The following KSR2 variants were observed in gnomAD, a reference collection of about 807,000 sequenced individuals.
KSR2 encodes the protein kinase suppressor of ras 2.
Under a neutral mutation model 107.8 loss-of-function variants are expected in KSR2, and 25 were observed. The observed-to-expected ratio is 0.23, with a 90% CI of 0.17 to 0.32. KSR2 has a LOEUF of 0.32. Among genes scored for constraint, KSR2 ranks in the 10% least tolerant of loss-of-function variants. The probability of loss-of-function intolerance (pLI) is 1.00; values close to 1 mark genes in which losing one functional copy is unlikely to be tolerated. For missense variants in KSR2, 887 were observed against 1,268.9 expected (o/e 0.70, Z 4.57); for synonymous variants, 480 against 507.0 (o/e 0.95, Z 0.71).
At chr12:117,714,408 G>C (rs560634738) in intron 4 of KSR2, among the ~76,000 whole-genome samples, 1 of 152,300 alleles carries the variant, frequency 6.6e-6, no homozygotes, top group East Asian at 1.9e-4. Flanking sequence ...AGCAAAGAGG[G>C]GAAAGATTCT....
At chr12:117,778,327 G>A (rs1889767080) in intron 3 of KSR2, among the ~76,000 whole-genome samples, 1 of 152,088 alleles carries the variant, frequency 6.6e-6, no homozygotes. Context: ...CTGACCTCAG[G>A]TGATCTGCCC....
chr12:117,925,164 C>T lies in KSR2; in HGVS notation c.180+42912G>A, dbSNP rs1326368755. ...TTTCAGACAGGGTCTCACTCTGTTG[C>T]CCAGGCTGGAGTGCAGTGGTTTGAT... On this transcript the variant is annotated intron_variant, in intron 1 of 19. Transcript: ENST00000339824. Among the ~76,000 whole-genome samples, 5 of 151,556 alleles carry T rather than the reference C, an allele frequency of 3.3e-5. No individual in the cohort carries two copies. The East Asian group carries it at 7.7e-4, about 23-fold the overall frequency.
chr12:117,687,399 G>A (rs1214024026), intron 4 of KSR2, among the ~76,000 whole-genome samples: 1 of 152,186 alleles, frequency 6.6e-6, no homozygotes, highest in East Asian at 1.9e-4. Flanking sequence ...ACTGTTGCCT[G>A]AAATTAGTGG....
At chr12:117,947,285 G>A (rs1366792944) in intron 1 of KSR2, among the ~76,000 whole-genome samples, 2 of 151,220 alleles carry the variant, frequency 1.3e-5, no homozygotes, top group Non-Finnish European at 2.9e-5. Context: ...CATACTAATT[G>A]ATACAGAAAA....
chr12:117,699,410 G>A (rs546019091), intron 4 of KSR2, among the ~76,000 whole-genome samples: 1 of 152,230 alleles, frequency 6.6e-6, no homozygotes, highest in African/African-American at 2.4e-5. Context: ...GGTTATTTTT[G>A]TCATTGTGCA....
intron 10 of KSR2, among the ~76,000 whole-genome samples, chr12:117,535,436 C>G (rs1310611984): frequency 6.6e-6 from 1 of 152,044 alleles, no homozygotes; most frequent in Non-Finnish European, 1.5e-5. Flanking sequence ...GAGTGATGAG[C>G]ATAAAAGAGG....
At chr12:117,708,937 G>A (rs895470) in intron 4 of KSR2, among the ~76,000 whole-genome samples, 78,278 of 151,902 alleles carry the variant, frequency 0.52, 22,630 homozygotes, top group African/African-American at 0.79. Context: ...TAGGCCGCTC[G>A]CATTCCCTGA....
In KSR2 at chr12:117,761,050, A is replaced by C; in HGVS notation, c.947T>G (p.Phe316Cys). The change falls in exon 4 of 20, where the codon TTC (phenylalanine) becomes TGC (cysteine). Residue 316 changes from phenylalanine to cysteine, a missense_variant. Phe to Cys is a radical substitution (Grantham distance 205). This residue lies in a region of KSR2 where 399 missense variants were observed against 479.5 expected (regional missense o/e 0.83). Coordinates refer to ENST00000339824, the MANE Select transcript of KSR2 (RefSeq NM_173598.6). The part of the protein sequence containing the change: ...TALHRSKSHE[F>C]QLGHRVDEAH... ...CTCGTCCACGCGGTGCCCCAGCTGG[A>C]ACTCGTGGGATTTGCTCCGATGCAG... The C allele has an allele frequency of 6.2e-7, 1 of 1,613,746 alleles. No individual in the cohort carries two copies. The highest frequency in any genetic ancestry group is 8.5e-7 in the Non-Finnish European group (1 of 1,179,734).
At chr12:117,546,758 T>G (rs557029233) in intron 9 of KSR2, among the ~76,000 whole-genome samples, 3 of 152,308 alleles carry the variant, frequency 2.0e-5, no homozygotes, top group Non-Finnish European at 4.4e-5. Context: ...ATTGAGTCCA[T>G]CCACTGAATT....
At chr12:117,785,494 A>G (rs189056164) in intron 3 of KSR2, among the ~76,000 whole-genome samples, 85 of 151,594 alleles carry the variant, frequency 5.6e-4, no homozygotes, top group African/African-American at 1.9e-3. Flanking sequence ...GAATTACCAG[A>G]CATAAACTTT....
At chr12:117,966,623 G>GCACACACA (rs71099095) in intron 1 of KSR2, among the ~76,000 whole-genome samples, 47 of 143,182 alleles carry the variant, frequency 3.3e-4, no homozygotes, top group Admixed American at 7.8e-4. Context: ...ACACGCGCAC[G>GCACACACA]CACACACACA....
chr12:117,495,139 A>T (rs1246386066), intron 14 of KSR2, among the ~76,000 whole-genome samples: 1 of 152,238 alleles, frequency 6.6e-6, no homozygotes, highest in Non-Finnish European at 1.5e-5. Flanking sequence ...GAGCTGTCAG[A>T]GGGATTTACA....
intron 1 of KSR2, among the ~76,000 whole-genome samples, chr12:117,960,417 G>T (rs1397231695): frequency 6.6e-6 from 1 of 152,212 alleles, no homozygotes; most frequent in East Asian, 1.9e-4. Context: ...CAGAGGCTTA[G>T]GAAGGGCTTG....
intron 3 of KSR2, among the ~76,000 whole-genome samples, chr12:117,785,430 A>AAAAAAAAAAAAAAAAAAAAC (rs1890034251): frequency 6.7e-6 from 1 of 149,556 alleles, no homozygotes; most frequent in Non-Finnish European, 1.5e-5. Context: ...AAAAAAAAAA[A>AAAAAAAAAAAAAAAAAAAAC]AAAAAAAAAA....
intron 7 of KSR2, among the ~76,000 whole-genome samples, chr12:117,571,804 C>G (rs1435314724): frequency 6.6e-6 from 1 of 152,140 alleles, no homozygotes; most frequent in African/African-American, 2.4e-5. Flanking sequence ...ATCACAATTC[C>G]TAGTGTGTGT....
chr12:117,922,470 G>A (rs61069930), intron 1 of KSR2, among the ~76,000 whole-genome samples: 15,288 of 152,178 alleles, frequency 0.1, 848 homozygotes, highest in South Asian at 0.2. Context: ...TCACATGGTG[G>A]GGTGAATAAC....
Position 117,460,847 on chromosome 12 carries a change from C to T in KSR2, c.*6352G>A, listed in dbSNP as rs1870856306. 6.6e-6 allele frequency: 1 copy of T among 152,204 alleles called. No individual in the cohort carries two copies. The highest frequency in any genetic ancestry group is 2.4e-5 in the African/African-American group (1 of 41,434). The allele number at this position is 152,204 out of a possible 1,614,324, so 9.4% of individuals were successfully genotyped here. A position where few individuals can be genotyped will look rare whatever the true frequency, so the allele number is the denominator to read the frequency against. On this transcript the variant is annotated 3_prime_UTR_variant, in exon 20 of 20. Transcript: ENST00000339824. The stretch of plus-strand genomic sequence containing the variant: ...AATAAGACTACTGATCTCCCCAAAC[C>T]ATCATAGGAATTCCAGCCTGGCACG...
intron 3 of KSR2, among the ~76,000 whole-genome samples, chr12:117,831,606 T>C (rs1891971432): frequency 6.6e-6 from 1 of 152,234 alleles, no homozygotes; most frequent in South Asian, 2.1e-4. Flanking sequence ...ACAATAGTTA[T>C]TACCCAATAA....
chr12:117,453,337 G>A lies in KSR2; in HGVS notation c.*13862C>T, dbSNP rs753667437. The A allele has an allele frequency of 5.2e-5, 8 of 152,572 alleles. No homozygotes were observed. The highest frequency in any genetic ancestry group is 1.2e-4 in the Non-Finnish European group (8 of 68,032). 9.5% of individuals were successfully genotyped at this position (152,572 alleles called of 1,614,324 possible). ...ACATTGGCAACAAGTGAGAAAGAGA[G>A]AGACAGAGACGGAGACAGACAGAGA... On this transcript the variant is annotated 3_prime_UTR_variant, in exon 20 of 20. Transcript: ENST00000339824.
Sources: gnomAD v4.1 joint callset for allele counts (sites outside exome capture counted in the v4.1 genomes callset) on GRCh38, gnomAD v4.1.1 for gene constraint, gnomAD v4.1.1 regional missense constraint, MANE v1.5 for transcripts, NCBI Gene and HGNC (gene_info 2026-07-23, HGNC 2026-07-21) for gene names.